Variants in MACROD2 observed in about 807,000 individuals in gnomAD.
MACROD2 encodes ADP-ribose glycohydrolase MACROD2.
A neutral mutation model predicts 70.4 loss-of-function variants in MACROD2; 36 were observed. The observed-to-expected ratio is 0.51, with a 90% CI of 0.39 to 0.68. The LOEUF (loss-of-function observed/expected upper bound fraction) is 0.68, where lower values mean the gene tolerates loss of function less well. Ranked by LOEUF, MACROD2 falls within the 30% of genes least tolerant of loss-of-function variation. The pLI is 0.00. For synonymous variants in MACROD2, 172 were observed against 178.8 expected (o/e 0.96, Z 0.30); for missense variants, 496 against 538.4 (o/e 0.92, Z 0.78).
chr20:15,935,779 A>G (rs1261635481), intron 11 of MACROD2, among the ~76,000 whole-genome samples: 1 of 152,218 alleles, frequency 6.6e-6, no homozygotes, highest in Non-Finnish European at 1.5e-5. Context: ...TTTCTTTGAA[A>G]TTTATATTCT....
chr20:15,106,398 A>T (rs2123208208), intron 5 of MACROD2, among the ~76,000 whole-genome samples: 1 of 152,294 alleles, frequency 6.6e-6, no homozygotes, highest in East Asian at 1.9e-4. Context: ...TCATTCCCCA[A>T]ATATGTAGTG....
chr20:15,043,544 T>C (rs1452769913), intron 5 of MACROD2, among the ~76,000 whole-genome samples: 2 of 152,224 alleles, frequency 1.3e-5, no homozygotes, highest in Non-Finnish European at 2.9e-5. Context: ...AAAGATTGTC[T>C]TGGGCCCCTG....
At chr20:14,123,106 C>A (rs1011363179) in intron 3 of MACROD2, among the ~76,000 whole-genome samples, 1 of 152,084 alleles carries the variant, frequency 6.6e-6, no homozygotes, top group Non-Finnish European at 1.5e-5. Flanking sequence ...ATTTTTAGTA[C>A]TTGAAGCATA....
At chr20:14,268,528 A>G (rs1043959135) in intron 3 of MACROD2, among the ~76,000 whole-genome samples, 5 of 152,118 alleles carry the variant, frequency 3.3e-5, no homozygotes, top group Non-Finnish European at 5.9e-5. Context: ...TTCAGATTAG[A>G]TTTATTTTCC....
At chr20:15,130,361 A>G (rs1424167012) in intron 5 of MACROD2, among the ~76,000 whole-genome samples, 1 of 151,922 alleles carries the variant, frequency 6.6e-6, no homozygotes, top group Non-Finnish European at 1.5e-5. Context: ...AGCCCCAGAG[A>G]CTGCATGTCT....
At chr20:15,007,765 G>A (rs993973366) in intron 5 of MACROD2, among the ~76,000 whole-genome samples, 3 of 152,216 alleles carry the variant, frequency 2.0e-5, no homozygotes, top group Non-Finnish European at 2.9e-5. Flanking sequence ...AAATCAGGGG[G>A]CGTCTACCTC....
intron 5 of MACROD2, among the ~76,000 whole-genome samples, chr20:15,162,140 C>T (rs1371812518): frequency 1.3e-5 from 2 of 151,982 alleles, no homozygotes; most frequent in Non-Finnish European, 2.9e-5. Context: ...TGAGTAATAA[C>T]GGACATTTGA....
intron 5 of MACROD2, among the ~76,000 whole-genome samples, chr20:15,153,141 G>A (rs1004890638): frequency 2.6e-5 from 4 of 152,062 alleles, no homozygotes; most frequent in African/African-American, 7.3e-5. Flanking sequence ...TTCGAGTCAC[G>A]GCACCAAATT....
At chr20:14,719,839 G>A (rs1298779745) in intron 5 of MACROD2, among the ~76,000 whole-genome samples, 1 of 152,146 alleles carries the variant, frequency 6.6e-6, no homozygotes, top group Non-Finnish European at 1.5e-5. Context: ...CTCTCCATGT[G>A]TGCGCAATCT....
intron 4 of MACROD2, among the ~76,000 whole-genome samples, chr20:14,608,010 T>C (rs1280248354): frequency 2.0e-5 from 3 of 152,138 alleles, no homozygotes; most frequent in Non-Finnish European, 4.4e-5. Context: ...CCCAGCACTT[T>C]GGGAGGCCGA....
chr20:16,005,214 CG>C (rs1319837790), intron 15 of MACROD2, among the ~76,000 whole-genome samples: 4 of 152,172 alleles, frequency 2.6e-5, no homozygotes, highest in African/African-American at 9.7e-5. Flanking sequence ...GCTCAACTTG[CG>C]GAAGTTCCCC....
intron 5 of MACROD2, among the ~76,000 whole-genome samples, chr20:15,021,264 G>GTGTGTATACGCACACC (rs1568535071): frequency 1.3e-4 from 1 of 7,910 alleles, no homozygotes; most frequent in Non-Finnish European, 4.4e-4. Context: ...ACACACACCT[G>GTGTGTATACGCACACC]TGTGTGTGTA....
chr20:14,926,348 G>A (rs1008342002), intron 5 of MACROD2, among the ~76,000 whole-genome samples: 1 of 152,046 alleles, frequency 6.6e-6, no homozygotes, highest in Non-Finnish European at 1.5e-5. Context: ...AAGAGATCAA[G>A]ACCATCCTGG....
At chr20:14,007,144 G>T (rs1330701957) in intron 2 of MACROD2, among the ~76,000 whole-genome samples, 3 of 152,108 alleles carry the variant, frequency 2.0e-5, no homozygotes, top group Non-Finnish European at 4.4e-5. Context: ...CAAAATAGTG[G>T]TATGTGAATT....
intron 5 of MACROD2, among the ~76,000 whole-genome samples, chr20:14,994,132 G>A (rs184719689): frequency 2.6e-5 from 4 of 151,952 alleles, no homozygotes; most frequent in African/African-American, 9.7e-5. Context: ...GCATATGTGT[G>A]TACACATACA....
At chr20:14,809,595 T>C (rs911263160) in intron 5 of MACROD2, among the ~76,000 whole-genome samples, 1 of 151,172 alleles carries the variant, frequency 6.6e-6, no homozygotes, top group African/African-American at 2.4e-5. Flanking sequence ...AGAGCAGAAA[T>C]GAAGGAGAAA....
chr20:15,411,608 T>A (rs1419961033), intron 6 of MACROD2, among the ~76,000 whole-genome samples: 1 of 152,244 alleles, frequency 6.6e-6, no homozygotes, highest in African/African-American at 2.4e-5. Flanking sequence ...ATGTTTAGCC[T>A]AATAAGATTG....
chr20:14,909,815 T>A (rs1201073056), intron 5 of MACROD2, among the ~76,000 whole-genome samples: 3 of 152,190 alleles, frequency 2.0e-5, no homozygotes, highest in Non-Finnish European at 4.4e-5. Flanking sequence ...TTTTTTTTCC[T>A]TCCTCTATGA....
intron 15 of MACROD2, among the ~76,000 whole-genome samples, chr20:16,004,385 C>T (rs6135632): frequency 0.059 from 9,029 of 152,160 alleles, 351 homozygotes; most frequent in African/African-American, 0.11. Flanking sequence ...CCCTGTGGTA[C>T]GCAAAATGCA....
Sources: gnomAD v4.1 joint callset for allele counts (sites outside exome capture counted in the v4.1 genomes callset) on GRCh38, gnomAD v4.1.1 for gene constraint, MANE v1.5 for transcripts, NCBI Gene and HGNC (gene_info 2026-07-23, HGNC 2026-07-21) for gene names.